Variants in CDIN1 observed in about 807,000 individuals in gnomAD.
CDIN1 encodes CDAN1 interacting nuclease 1.
In CDIN1, 33 loss-of-function variants were observed where a neutral mutation model predicts 45.3. The observed-to-expected ratio is 0.73, with a 90% CI of 0.55 to 0.97. The LOEUF (loss-of-function observed/expected upper bound fraction) is 0.97, where lower values mean the gene tolerates loss of function less well. Ranked by LOEUF, CDIN1 falls within the 50% of genes least tolerant of loss-of-function variation. CDIN1 has a pLI of 0.00. For synonymous variants in CDIN1, 118 were observed against 124.4 expected, an observed-to-expected ratio of 0.95 and a Z score of 0.34; for missense variants, 303 against 339.4, an observed-to-expected ratio of 0.89 and a Z score of 0.84.
intron 1 of CDIN1, among the ~76,000 whole-genome samples, chr15:36,634,395 G>C (rs956380824): frequency 1.3e-5 from 2 of 152,104 alleles, no homozygotes; most frequent in Non-Finnish European, 2.9e-5. Flanking sequence ...CTGCACCCCA[G>C]CCTGCAGAGA....
chr15:36,692,017 GGGGGGC>G, intron 6 of CDIN1, 103 bp from the exon 7 acceptor site: 2 of 1,101,052 alleles, frequency 1.8e-6, no homozygotes, highest in Non-Finnish European at 2.5e-6. Context: ...TTCTTTTTTT[GGGGGGC>G]GGGGGTGGGG....
At chr15:36,781,422 C>T (rs1262707193) in intron 10 of CDIN1, among the ~76,000 whole-genome samples, 1 of 152,160 alleles carries the variant, frequency 6.6e-6, no homozygotes, top group Non-Finnish European at 1.5e-5. Flanking sequence ...CAAGGTCACA[C>T]AGCCAATTAC....
At chr15:36,609,328 A>G (rs2038536769) in intron 1 of CDIN1, among the ~76,000 whole-genome samples, 1 of 152,188 alleles carries the variant, frequency 6.6e-6, no homozygotes. Flanking sequence ...TTATATCTTG[A>G]TCATATCATC....
intron 1 of CDIN1, among the ~76,000 whole-genome samples, chr15:36,596,633 A>G (rs982435723): frequency 3.9e-5 from 6 of 152,142 alleles, no homozygotes; most frequent in Non-Finnish European, 4.4e-5. Flanking sequence ...AAAAATTATA[A>G]TTTTTAAATG....
chr15:36,613,882 A>G, intron 1 of CDIN1: 2 of 1,568,544 alleles, frequency 1.3e-6, no homozygotes, highest in Non-Finnish European at 1.7e-6. Context: ...TGATCACTGA[A>G]GGAGACTTGG....
At chr15:36,771,115 A>AC (rs1320166796) in intron 10 of CDIN1, among the ~76,000 whole-genome samples, 1 of 152,162 alleles carries the variant, frequency 6.6e-6, no homozygotes, top group Non-Finnish European at 1.5e-5. Context: ...ACTGGAGGAA[A>AC]CCCAGGCCAT....
chr15:36,595,091 A>G (rs1419265909), intron 1 of CDIN1, among the ~76,000 whole-genome samples: 1 of 151,902 alleles, frequency 6.6e-6, no homozygotes, highest in African/African-American at 2.4e-5. Flanking sequence ...TTCTTTTAAG[A>G]AGATTTTTTT....
chr15:36,788,851 A>T (rs537209217), intron 10 of CDIN1, among the ~76,000 whole-genome samples: 3 of 152,346 alleles, frequency 2.0e-5, no homozygotes, highest in Admixed American at 1.3e-4. Context: ...ACTCTGAACA[A>T]GAAATCAGAA....
At chr15:36,642,734 G>T (rs2040160602) in intron 1 of CDIN1, among the ~76,000 whole-genome samples, 1 of 152,008 alleles carries the variant, frequency 6.6e-6, no homozygotes, top group Non-Finnish European at 1.5e-5. Flanking sequence ...TCTTTTCATT[G>T]GTCATTGGTC....
At chr15:36,760,411 A>G (rs369410576) in intron 10 of CDIN1, among the ~76,000 whole-genome samples, 1 of 152,214 alleles carries the variant, frequency 6.6e-6, no homozygotes, top group East Asian at 1.9e-4. Context: ...AACTGTTTTC[A>G]TGATGCCAAG....
Position 36,765,057 on chromosome 15 carries a change from C to CTTTTTTTTTTTTTTTTTTTTTTTTT in CDIN1, c.717-43264_717-43263insTTTTTTTTTTTTTTTTTTTTTTTTT, listed in dbSNP as rs377685100. ...ATTTTCTTTTCTTTTATTTTTCTTT[C>CTTTTTTTTTTTTTTTTTTTTTTTTT]TTTCTTTTTTTTTTTTTAGATGGAG... On this transcript the variant is annotated intron_variant, in intron 10 of 10. Transcript: ENST00000566621. Among the ~76,000 whole-genome samples the CTTTTTTTTTTTTTTTTTTTTTTTTT allele has an allele frequency of 1.4e-5, 2 of 139,644 alleles. 1 individual carries two copies. Among genetic ancestry groups the CTTTTTTTTTTTTTTTTTTTTTTTTT allele is most frequent in the Non-Finnish European group, 3.1e-5 (2 of 65,134 alleles). 91.6% of individuals were successfully genotyped at this position (139,644 alleles called of 152,430 possible).
intron 10 of CDIN1, among the ~76,000 whole-genome samples, chr15:36,800,901 G>A (rs1445201706): frequency 0.043 from 914 of 21,376 alleles, 5 homozygotes; most frequent in South Asian, 0.08. Context: ...GTGTGTGTGT[G>A]TGTGTGTGTA....
At chr15:36,649,132 C>T (rs1398956592) in intron 3 of CDIN1, among the ~76,000 whole-genome samples, 1 of 152,120 alleles carries the variant, frequency 6.6e-6, no homozygotes, top group African/African-American at 2.4e-5. Flanking sequence ...GAAAATATTC[C>T]ATAAAGACAT....
At chr15:36,580,011 G>T (rs746486461) in intron 1 of CDIN1, 50 bp downstream of exon 1, 60 of 1,528,564 alleles carry the variant, frequency 3.9e-5, no homozygotes, top group Non-Finnish European at 5.3e-5. Context: ...CAGCAGCAGT[G>T]CCTGGGCCGC....
chr15:36,709,911 A>G lies in CDIN1; in HGVS notation c.666A>G (p.Glu222=), dbSNP rs2042996386. The change falls in exon 10 of 11, where the codon GAA becomes GAG. Residue 222 remains glutamate, a synonymous_variant. Coordinates refer to ENST00000566621, the MANE Select transcript of CDIN1 (RefSeq NM_001321759.2). ...AAAGCAAAGCCTCATTTGGTGATGA[A>G]TGTAGCCACCACGCCTACCTGCATG... ...WIESKASFGD[E]CSHHAYLHDQ... 2 of 1,613,410 alleles carry G rather than the reference A, an allele frequency of 1.2e-6. No homozygotes were observed. The highest frequency in any genetic ancestry group is 1.1e-5 in the South Asian group (1 of 91,040).
Position 36,579,781 on chromosome 15 carries a change from C to T in CDIN1, c.-80C>T, listed in dbSNP as rs1232952549. 1.7e-6 allele frequency: 2 copies of T among 1,208,020 alleles called. No individual in the cohort carries two copies. The highest frequency in any genetic ancestry group is 2.1e-5 in the Admixed American group (1 of 47,390). The allele number at this position is 1,208,020 out of a possible 1,614,324, so 74.8% of individuals were successfully genotyped here. ...CGGGCCTGTGCCGCTTTGCCTACCCCTCATCCCTCGGCACCAAGGCTACTT... is the reference window on the plus strand; with the variant it reads ...CGGGCCTGTGCCGCTTTGCCTACCCTTCATCCCTCGGCACCAAGGCTACTT... On this transcript the variant is annotated 5_prime_UTR_variant, in exon 1 of 11. Transcript: ENST00000566621.
chr15:36,800,909 GTATA>G lies in CDIN1; in HGVS notation c.717-7383_717-7380del, dbSNP rs370036091. Among the ~76,000 whole-genome samples the G allele has an allele frequency of 8.8e-3, 196 of 22,382 alleles. 3 individuals are homozygous for G. Among genetic ancestry groups the G allele is most frequent in the East Asian group, 0.05 (21 of 416 alleles). 14.7% of individuals were successfully genotyped at this position (22,382 alleles called of 152,430 possible). A position where few individuals can be genotyped will look rare whatever the true frequency, so the allele number is the denominator to read the frequency against. On this transcript the variant is annotated intron_variant, in intron 10 of 10. Transcript: ENST00000566621. ...TGTGTGTGTGTGTGTGTGTGTGTGT[GTATA>G]TATATATATATATATATATATATAT...
chr15:36,659,135 G>A (rs1003299563), intron 5 of CDIN1, among the ~76,000 whole-genome samples: 1 of 152,154 alleles, frequency 6.6e-6, no homozygotes, highest in Middle Eastern at 3.2e-3. Flanking sequence ...ATAGTAGTCA[G>A]CATAGTCTGA....
intron 1 of CDIN1, among the ~76,000 whole-genome samples, chr15:36,616,312 C>T (rs1350252285): frequency 8.8e-5 from 13 of 148,302 alleles, no homozygotes; most frequent in South Asian, 4.3e-4. Flanking sequence ...GACAGACTTT[C>T]GCTCTTGTTG....
Sources: gnomAD v4.1 joint callset for allele counts (sites outside exome capture counted in the v4.1 genomes callset) on GRCh38, gnomAD v4.1.1 for gene constraint, MANE v1.5 for transcripts, NCBI Gene and HGNC (gene_info 2026-07-23, HGNC 2026-07-21) for gene names.